EYS: variants seen among roughly 807,000 people sequenced by gnomAD.
EYS encodes EGF-like photoreceptor maintenance factor.
In EYS, 250 loss-of-function variants were observed where a neutral mutation model predicts 282.1. That is an observed-to-expected ratio of 0.89 (90% CI 0.80 to 0.98). The LOEUF is 0.98. Ranked by LOEUF, EYS falls within the 50% of genes least tolerant of loss-of-function variation. EYS has a pLI of 0.00. For missense variants in EYS, 4,016 were observed against 3,709.0 expected (o/e 1.08, Z -2.15); for synonymous variants, 1,355 against 1,282.9 (o/e 1.06, Z -1.20).
chr6:65,530,130 A>G (rs906367748), intron 2 of EYS, among the ~76,000 whole-genome samples: 1 of 152,188 alleles, frequency 6.6e-6, no homozygotes, highest in African/African-American at 2.4e-5. Flanking sequence ...TTGTTTTTAT[A>G]AAGAAACTAA....
intron 12 of EYS, among the ~76,000 whole-genome samples, chr6:65,098,924 T>A (rs191044060): frequency 6.6e-6 from 1 of 150,864 alleles, no homozygotes; most frequent in East Asian, 1.9e-4. Flanking sequence ...TTTTTTCATA[T>A]ATGCAAAGAA....
chr6:64,652,707 C>A (rs537624256), intron 22 of EYS, among the ~76,000 whole-genome samples: 2 of 152,122 alleles, frequency 1.3e-5, no homozygotes, highest in African/African-American at 4.8e-5. Context: ...GAAACTAATA[C>A]CATATTCATG....
intron 12 of EYS, among the ~76,000 whole-genome samples, chr6:65,162,623 T>C (rs1330698997): frequency 6.6e-6 from 1 of 150,698 alleles, no homozygotes; most frequent in Non-Finnish European, 1.5e-5. Flanking sequence ...TTTATTTTTT[T>C]GGCTACTTTA....
chr6:65,387,569 G>GA (rs1169663508), intron 7 of EYS, among the ~76,000 whole-genome samples: 2 of 151,664 alleles, frequency 1.3e-5, no homozygotes, highest in Admixed American at 6.6e-5. Flanking sequence ...CAAAAAATTA[G>GA]AAAAAATATT....
intron 22 of EYS, among the ~76,000 whole-genome samples, chr6:64,661,953 A>G (rs2149888792): frequency 6.6e-6 from 1 of 151,594 alleles, no homozygotes; most frequent in African/African-American, 2.4e-5. Flanking sequence ...TTGCGGCACT[A>G]TTCACAATAG....
intron 31 of EYS, among the ~76,000 whole-genome samples, chr6:64,174,097 C>A (rs909490952): frequency 6.6e-6 from 1 of 152,122 alleles, no homozygotes; most frequent in African/African-American, 2.4e-5. Flanking sequence ...ATTCCACTTA[C>A]ATGGGGCATC....
At chr6:63,767,648 T>C (rs978338360) in intron 40 of EYS, among the ~76,000 whole-genome samples, 1 of 152,242 alleles carries the variant, frequency 6.6e-6, no homozygotes, top group South Asian at 2.1e-4. Context: ...AAAATGGCTA[T>C]ACTGACAAAA....
intron 12 of EYS, among the ~76,000 whole-genome samples, chr6:65,283,758 A>G (rs150776349): frequency 2.3e-3 from 347 of 152,120 alleles, no homozygotes; most frequent in African/African-American, 8.1e-3. Context: ...TAGCTTTCTC[A>G]TCTCTAGCAG....
chr6:65,599,376 C>G (rs1251600011), intron 2 of EYS, among the ~76,000 whole-genome samples: 1 of 151,980 alleles, frequency 6.6e-6, no homozygotes. Flanking sequence ...AGTTTGGGCC[C>G]ACATTTATCT....
At chr6:64,613,130 G>T (rs1159984339) in intron 24 of EYS, among the ~76,000 whole-genome samples, 3 of 152,090 alleles carry the variant, frequency 2.0e-5, no homozygotes, top group Admixed American at 6.6e-5. Flanking sequence ...TGTAGTTAGA[G>T]TACACATGCA....
chr6:64,645,979 A>C (rs1768337060), intron 22 of EYS, among the ~76,000 whole-genome samples: 1 of 152,218 alleles, frequency 6.6e-6, no homozygotes, highest in Admixed American at 6.5e-5. Flanking sequence ...AAAATAGAAA[A>C]TGTGTTAAGA....
chr6:65,662,519 C>T (rs1234059509), intron 1 of EYS, among the ~76,000 whole-genome samples: 2 of 152,172 alleles, frequency 1.3e-5, no homozygotes, highest in East Asian at 1.9e-4. Context: ...CATACTTATA[C>T]AATTGCAATT....
chr6:65,509,221 A>G (rs781634239), intron 2 of EYS, among the ~76,000 whole-genome samples: 6 of 152,196 alleles, frequency 3.9e-5, no homozygotes, highest in Non-Finnish European at 8.8e-5. Context: ...GACAGCTCAT[A>G]ACAGATTCTC....
intron 5 of EYS, among the ~76,000 whole-genome samples, chr6:65,443,735 T>C (rs899586652): frequency 6.6e-6 from 1 of 150,614 alleles, no homozygotes; most frequent in Non-Finnish European, 1.5e-5. Flanking sequence ...CATACGTGCA[T>C]ATACACATAT....
At chr6:63,835,227 G>A (rs1771771140) in intron 36 of EYS, among the ~76,000 whole-genome samples, 1 of 150,376 alleles carries the variant, frequency 6.6e-6, no homozygotes, top group African/African-American at 2.4e-5. Context: ...ATAAATGAGT[G>A]TATAAAGAAA....
chr6:64,640,633 T>C (rs905409125), intron 22 of EYS, among the ~76,000 whole-genome samples: 1 of 151,894 alleles, frequency 6.6e-6, no homozygotes, highest in Non-Finnish European at 1.5e-5. Flanking sequence ...GACGAGTTAA[T>C]GGGTGCAGCA....
At chr6:64,400,613 T>C (rs1036600411) in intron 28 of EYS, among the ~76,000 whole-genome samples, 2 of 152,084 alleles carry the variant, frequency 1.3e-5, no homozygotes, top group African/African-American at 4.8e-5. Flanking sequence ...CTCGATTGAA[T>C]CTGACTGAAC....
At chr6:63,727,103 C>G (rs1768642161) in intron 41 of EYS, among the ~76,000 whole-genome samples, 1 of 151,804 alleles carries the variant, frequency 6.6e-6, no homozygotes, top group Non-Finnish European at 1.5e-5. Context: ...ATTTCTGATT[C>G]AAATACAGAG....
chr6:65,469,887 C>T (rs1052033191), intron 5 of EYS, among the ~76,000 whole-genome samples: 2 of 152,104 alleles, frequency 1.3e-5, no homozygotes, highest in Non-Finnish European at 2.9e-5. Flanking sequence ...CTAAGTATAG[C>T]AATTGCCAGA....
Sources: allele counts gnomAD v4.1 joint callset (sites outside exome capture counted in the v4.1 genomes callset), GRCh38; gene constraint gnomAD v4.1.1; transcripts MANE v1.5; gene names NCBI Gene and HGNC (gene_info 2026-07-23, HGNC 2026-07-21).